Variants in CXorf38 observed in about 807,000 individuals in gnomAD.
The protein encoded by CXorf38 is chromosome X open reading frame 38.
CXorf38 carries 13 observed loss-of-function variants against 27.5 expected under a neutral mutation model. The ratio of observed to expected loss-of-function variants is 0.47; its 90% confidence interval spans 0.31 to 0.75. The LOEUF is 0.75. Among genes scored for constraint, CXorf38 ranks in the 30% least tolerant of loss-of-function variants. The pLI is 0.05. For synonymous variants in CXorf38, 100 were observed against 99.8 expected (o/e 1.00, Z -0.01); for missense variants, 240 against 253.2 (o/e 0.95, Z 0.35).
At chrX:40,637,277 C>T (rs1487480528) in intron 3 of CXorf38, 121 bp from the exon 4 acceptor site, 4 of 498,625 alleles carry the variant, frequency 8.0e-6, no homozygotes, top group Non-Finnish European at 1.3e-5. Context: ...CAAGAGCAGT[C>T]TTCAGATGAG....
chrX:40,628,627 T>A lies in CXorf38; in HGVS notation c.*1537A>T, dbSNP rs957188394. On this transcript the variant is annotated 3_prime_UTR_variant, in exon 7 of 7. Transcript: ENST00000327877. Reference sequence around the variant, plus strand: ...AGCATGAACGAATGTGTGAATTTGTTGAAAGAAAATGATGTCTTTGAATTT... The same window carrying A: ...AGCATGAACGAATGTGTGAATTTGTAGAAAGAAAATGATGTCTTTGAATTT... The A allele has an allele frequency of 8.9e-6, 1 of 112,425 alleles. No individual in the cohort carries two copies. Among genetic ancestry groups the A allele is most frequent in the African/African-American group, 3.2e-5 (1 of 30,907 alleles). 9.3% of individuals were successfully genotyped at this position (112,425 alleles called of 1,213,427 possible).
chrX:40,647,388 G>A lies in CXorf38; in HGVS notation c.133C>T (p.Arg45Cys), dbSNP rs1393470723. The A allele has an allele frequency of 3.4e-6, 4 of 1,178,655 alleles. No homozygotes were observed. The highest frequency in any genetic ancestry group is 3.3e-5 in the East Asian group (1 of 30,603). Residue 45 changes from arginine to cysteine, a missense_variant, in exon 1 of 7, where the codon CGC becomes TGC. Arg to Cys is a radical substitution (Grantham distance 180). Coordinates refer to ENST00000327877, the MANE Select transcript of CXorf38 (RefSeq NM_144970.3). Reference protein sequence around the residue: ...FVGREVLSFHRGLLAAAPGLG... With the variant: ...FVGREVLSFHCGLLAAAPGLG... ...CCGGGGGCTGCGGCGAGTAGGCCGC[G>A]GTGGAAGGAGAGCACCTCGCGGCCG...
Position 40,639,128 on chromosome X carries a change from C to A in CXorf38, c.352G>T (p.Ala118Ser). The A allele has an allele frequency of 8.3e-7, 1 of 1,209,062 alleles. No individual in the cohort carries two copies. The highest frequency in any genetic ancestry group is 1.7e-5 in the African/African-American group (1 of 57,760). Residue 118 changes from alanine (A) to serine (S), a missense_variant and splice_region_variant, in exon 3 of 7, where the codon GCC (alanine) becomes TCC (serine). Physicochemically the swap from Ala to Ser is moderately conservative, Grantham distance 99. Transcript: ENST00000327877. ...TCTGCTAGTCCTCGGGGCATGAAGG[C>A]CTATAGCAAGGGAGGGAGGAGGGGG... ...WPVDAWEVAK[A>S]FMPRGLADKQ...
intron 2 of CXorf38, among the ~76,000 whole-genome samples, chrX:40,642,590 G>A (rs1346958452): frequency 3.6e-5 from 4 of 111,813 alleles, no homozygotes; most frequent in Non-Finnish European, 5.6e-5. Context: ...GAGAGACGAG[G>A]TCACAGATGC....
At chrX:40,633,840 T>G (rs1927939704) in intron 5 of CXorf38, among the ~76,000 whole-genome samples, 2 of 110,443 alleles carry the variant, frequency 1.8e-5, no homozygotes, top group African/African-American at 6.6e-5. Flanking sequence ...TTTAGTTGGA[T>G]TTTTTTTTAA....
At chrX:40,644,446 C>CAT (rs749965039) in intron 2 of CXorf38, among the ~76,000 whole-genome samples, 137 of 112,060 alleles carry the variant, frequency 1.2e-3, no homozygotes, top group Non-Finnish European at 2.2e-3. Flanking sequence ...GTCAGCCCTC[C>CAT]ATATCCACGA....
In CXorf38 at chrX:40,647,275, G is replaced by A. The variant is rs1210935311; in HGVS notation, c.216+30C>T. ...GGATGAGGAGGGGTGGGGTGGGGGCGGTGGTCAAGGCCCCGAGCCAGGTGC... is the reference window on the plus strand; with the variant it reads ...GGATGAGGAGGGGTGGGGTGGGGGCAGTGGTCAAGGCCCCGAGCCAGGTGC... On this transcript the variant is annotated intron_variant, in intron 1 of 6. Transcript: ENST00000327877. 3.6e-6 allele frequency: 4 copies of A among 1,097,058 alleles called. No individual in the cohort carries two copies. In the African/African-American group the frequency reaches 5.7e-5, roughly 16 times the overall value. The allele number at this position is 1,097,058 out of a possible 1,213,427, so 90.4% of individuals were successfully genotyped here.
At chrX:40,637,593 T>C (rs909837651) in intron 3 of CXorf38, among the ~76,000 whole-genome samples, 2 of 112,374 alleles carry the variant, frequency 1.8e-5, no homozygotes, top group African/African-American at 6.5e-5. Context: ...CTTGTTGCCA[T>C]GGGAGTTACA....
rs1927579604 is a variant in CXorf38, at chrX:40,627,499, T to C, written c.*2665A>G. 8.9e-6 allele frequency: 1 copy of C among 112,388 alleles called. No individual in the cohort carries two copies. Among genetic ancestry groups the C allele is most frequent in the East Asian group, 2.8e-4 (1 of 3,587 alleles). The allele number at this position is 112,388 out of a possible 1,213,427, so 9.3% of individuals were successfully genotyped here. On this transcript the variant is annotated 3_prime_UTR_variant, in exon 7 of 7. Transcript: ENST00000327877. ...AGTCACTGCGCCCAGCTGCTATACA[T>C]TGTTAAACCTTTTGCTTTCTAGTTA...
chrX:40,631,465 G>A (rs1215816619), intron 5 of CXorf38, among the ~76,000 whole-genome samples: 1 of 109,920 alleles, frequency 9.1e-6, no homozygotes, highest in Non-Finnish European at 1.9e-5. Context: ...ATGCCACCAC[G>A]CCCGGCTAAT....
intron 2 of CXorf38, chrX:40,640,014 C>T (rs1928248507): frequency 5.4e-6 from 1 of 184,167 alleles, no homozygotes; most frequent in Non-Finnish European, 1.0e-5. Context: ...GGGTACACTC[C>T]TGCCAAGGGA....
rs144657501 is a variant in CXorf38, at chrX:40,639,001, G to A, written c.471+8C>T. On this transcript the variant is annotated splice_region_variant and intron_variant, in intron 3 of 6. Transcript: ENST00000327877. Reference sequence around the variant, plus strand: ...TCAGGGTATGCTTTTGAATCTGACAGCTCTTACCTCTGTGACTTTCTTTCG... The same window carrying A: ...TCAGGGTATGCTTTTGAATCTGACAACTCTTACCTCTGTGACTTTCTTTCG... 1,384 of 1,208,627 alleles carry A rather than the reference G, an allele frequency of 1.1e-3. 8 individuals are homozygous for A. The African/African-American group carries it at 0.02, about 17-fold the overall frequency.
rs1437194506 is a variant in CXorf38 at position 40,643,219 on chromosome X, C to T, written c.351+3788G>A. Among the ~76,000 whole-genome samples, 3 of 111,421 alleles carry T rather than the reference C, an allele frequency of 2.7e-5. No individual in the cohort carries two copies. In the East Asian group the frequency reaches 8.4e-4, roughly 31 times the overall value. ...CTGTGATAACAGGCATGAGCCACCA[C>T]ATCCGGCCTCTTAAAATCTTATTTT... On this transcript the variant is annotated intron_variant, in intron 2 of 6. Transcript: ENST00000327877.
intron 5 of CXorf38, among the ~76,000 whole-genome samples, chrX:40,631,549 G>A (rs1188559121): frequency 1.8e-5 from 2 of 111,015 alleles, no homozygotes; most frequent in Non-Finnish European, 3.8e-5. Flanking sequence ...CAGGTGATTC[G>A]CCCGCCTCGG....
intron 2 of CXorf38, chrX:40,640,211 C>T (rs1436668921): frequency 3.1e-6 from 1 of 319,278 alleles, no homozygotes; most frequent in Non-Finnish European, 6.0e-6. Context: ...GTGCTATAGT[C>T]CCAGGTACTC....
chrX:40,644,879 C>T (rs1021859597), intron 2 of CXorf38, among the ~76,000 whole-genome samples: 4 of 111,793 alleles, frequency 3.6e-5, no homozygotes, highest in African/African-American at 9.8e-5. Context: ...GTGGCCAGAC[C>T]GCTGGGGCTC....
At chrX:40,647,232 G>A (rs1268003686) in intron 1 of CXorf38, 73 bp downstream of exon 1, 2 of 1,144,096 alleles carry the variant, frequency 1.7e-6, no homozygotes, top group African/African-American at 3.7e-5. Context: ...TTGCGCTCTG[G>A]GTCTGGGACA....
At chrX:40,641,758 C>T (rs967449004) in intron 2 of CXorf38, among the ~76,000 whole-genome samples, 2 of 112,312 alleles carry the variant, frequency 1.8e-5, no homozygotes, top group African/African-American at 3.2e-5. Context: ...GGAGGCTCTG[C>T]TGCATCCTTA....
intron 2 of CXorf38, among the ~76,000 whole-genome samples, chrX:40,644,623 T>G (rs1219676743): frequency 8.9e-6 from 1 of 112,507 alleles, no homozygotes; most frequent in African/African-American, 3.2e-5. Flanking sequence ...TTAAAGTACA[T>G]AGGAGAATGT....
Sources: gnomAD v4.1 joint callset for allele counts (sites outside exome capture counted in the v4.1 genomes callset) on GRCh38, gnomAD v4.1.1 for gene constraint, MANE v1.5 for transcripts, NCBI Gene and HGNC (gene_info 2026-07-23, HGNC 2026-07-21) for gene names.